Variants in AKAP13 observed in about 807,000 individuals in gnomAD.
AKAP13 encodes A-kinase anchoring protein 13, also known as A-kinase anchor protein 13.
AKAP13 carries 80 observed loss-of-function variants against 264.5 expected under a neutral mutation model. The ratio of observed to expected loss-of-function variants is 0.30; its 90% CI spans 0.25 to 0.36. The LOEUF is 0.36. AKAP13 is among the 10% of genes least tolerant of loss of function. The pLI is 1.00. For synonymous variants in AKAP13, 1,380 were observed against 1,250.2 expected (o/e 1.10, Z -2.19); for missense variants, 3,712 against 3,435.2 (o/e 1.08, Z -2.01).
Position 85,477,330 on chromosome 15 carries a change from A to G in AKAP13, c.-11-8380A>G, listed in dbSNP as rs530471004. Among the ~76,000 whole-genome samples the G allele has an allele frequency of 1.9e-4, 29 of 151,978 alleles. No homozygotes were observed. The South Asian group carries it at 6.0e-3, about 32-fold the overall frequency. On this transcript the variant is annotated intron_variant, in intron 1 of 36. Coordinates refer to ENST00000394518, the MANE Select transcript of AKAP13 (RefSeq NM_007200.5). ...ATTGGCAGTGAGTCCTCCTTGGGGA[A>G]GAAGAATGATCTGGGCTACTTCCAA...
In AKAP13 at chr15:85,588,383, C is replaced by T. The variant is rs181960614; in HGVS notation, c.4161+2560C>T. Among the ~76,000 whole-genome samples the T allele has an allele frequency of 4.9e-4, 75 of 152,296 alleles. 2 individuals are homozygous for T. Among genetic ancestry groups the T allele is most frequent in the Admixed American group, 3.7e-3 (56 of 15,302 alleles). ...CCCTGTGAGAAGAAAAGAGAACACACCCTGCATGGGTACGTGTGTCTTTGT... is the reference window on the plus strand; with the variant it reads ...CCCTGTGAGAAGAAAAGAGAACACATCCTGCATGGGTACGTGTGTCTTTGT... On this transcript the variant is annotated intron_variant, in intron 8 of 36. Coordinates refer to ENST00000394518, the MANE Select transcript of AKAP13 (RefSeq NM_007200.5).
At chr15:85,494,237 A>G (rs915789655) in intron 2 of AKAP13, among the ~76,000 whole-genome samples, 1 of 152,156 alleles carries the variant, frequency 6.6e-6, no homozygotes, top group Non-Finnish European at 1.5e-5. Flanking sequence ...GGATCTAGCA[A>G]CCTAGCAACT....
rs555579033 is a variant in AKAP13 at position 85,727,221 on chromosome 15, G to T, written c.6978G>T (p.Gln2326His). 1 of 1,614,214 alleles carries T rather than the reference G, an allele frequency of 6.2e-7. No individual in the cohort carries two copies. Among genetic ancestry groups the T allele is most frequent in the African/African-American group, 1.3e-5 (1 of 75,056 alleles). The change falls in exon 28 of 37, where the codon CAG becomes CAT. Residue 2326 changes from glutamine to histidine, a missense_variant. Transcript: ENST00000394518. The surrounding 1 kb of genome is among the most constrained non-coding windows in gnomAD (Gnocchi z 5.3). ...SSKEERNSWI[Q>H]IIQDTINTLN... ...AAGAGGAACGAAACAGCTGGATTCA[G>T]ATCATTCAGGACACAATCAACACCC... is the stretch of plus-strand genomic sequence containing the variant.
intron 2 of AKAP13, among the ~76,000 whole-genome samples, chr15:85,500,600 G>A (rs972886181): frequency 3.9e-5 from 6 of 152,150 alleles, no homozygotes; most frequent in Non-Finnish European, 8.8e-5. Context: ...TTTTCTGGAG[G>A]ATACACGAAT....
At chr15:85,513,898 A>T (rs55782422) in intron 2 of AKAP13, among the ~76,000 whole-genome samples, 3,849 of 129,776 alleles carry the variant, frequency 0.03, 690 homozygotes, top group Non-Finnish European at 0.043. Context: ...CTGCATAGGT[A>T]ACCTTGTGTC....
chr15:85,431,992 A>G (rs1464862669), intron 1 of AKAP13, among the ~76,000 whole-genome samples: 1 of 152,212 alleles, frequency 6.6e-6, no homozygotes, highest in Non-Finnish European at 1.5e-5. Context: ...TGTATGAAAA[A>G]GATGCCTAAT....
chr15:85,675,505 A>G (rs1192239063), intron 14 of AKAP13, among the ~76,000 whole-genome samples: 1 of 152,196 alleles, frequency 6.6e-6, no homozygotes, highest in African/African-American at 2.4e-5. Context: ...TAATGTGTCT[A>G]TCCAGTAAAT....
At chr15:85,432,129 T>C (rs1420990983) in intron 1 of AKAP13, among the ~76,000 whole-genome samples, 1 of 152,130 alleles carries the variant, frequency 6.6e-6, no homozygotes, top group African/African-American at 2.4e-5. Context: ...TATTTTAGTC[T>C]AAGAACAATG....
intron 13 of AKAP13, among the ~76,000 whole-genome samples, chr15:85,669,208 C>G (rs1463120319): frequency 2.0e-5 from 3 of 152,092 alleles, no homozygotes; most frequent in Non-Finnish European, 4.4e-5. Flanking sequence ...CTCTGCACAT[C>G]AGCTGGGTGA....
intron 1 of AKAP13, among the ~76,000 whole-genome samples, chr15:85,441,796 G>C (rs538729844): frequency 1.3e-5 from 2 of 151,690 alleles, no homozygotes; most frequent in African/African-American, 4.8e-5. Flanking sequence ...CTGTATTACT[G>C]CAGTAAATAG....
At chr15:85,449,532 C>G (rs1162669538) in intron 1 of AKAP13, among the ~76,000 whole-genome samples, 2 of 151,538 alleles carry the variant, frequency 1.3e-5, no homozygotes, top group Non-Finnish European at 3.0e-5. Context: ...TGCTTTTGCC[C>G]ATTCAGTATG....
chr15:85,615,750 T>G (rs2080906561), intron 8 of AKAP13, among the ~76,000 whole-genome samples: 1 of 152,240 alleles, frequency 6.6e-6, no homozygotes, highest in African/African-American at 2.4e-5. Flanking sequence ...TCTCAATTCC[T>G]TTTTCTTTCT....
At chr15:85,737,491 G>A (rs913424525) in intron 33 of AKAP13, among the ~76,000 whole-genome samples, 2 of 152,082 alleles carry the variant, frequency 1.3e-5, no homozygotes, top group African/African-American at 4.8e-5. Context: ...TGCTTTTAAC[G>A]TTAAGTTAAA....
intron 1 of AKAP13, among the ~76,000 whole-genome samples, chr15:85,393,216 A>C (rs2070951180): frequency 3.3e-5 from 5 of 152,228 alleles, no homozygotes; most frequent in Admixed American, 3.3e-4. Context: ...CACAGAGTGT[A>C]CATCCTCTTG....
chr15:85,438,115 A>G (rs1248808826), intron 1 of AKAP13, among the ~76,000 whole-genome samples: 4 of 147,064 alleles, frequency 2.7e-5, no homozygotes, highest in African/African-American at 1.0e-4. Flanking sequence ...CAACTTCAGC[A>G]AAGTCTCAGG....
rs1450569605 is a variant in AKAP13, at chr15:85,683,029, G to A, written c.5156+817G>A. On this transcript the variant is annotated intron_variant, in intron 15 of 36. Transcript: ENST00000394518. ...TTTATTTAGGTTTTCATGCTTATGA[G>A]ATAGAATATTCTACTTGAAGTTTAA... Among the ~76,000 whole-genome samples the A allele has an allele frequency of 2.6e-5, 4 of 152,182 alleles. No homozygotes were observed. The East Asian group carries it at 7.7e-4, about 29-fold the overall frequency.
intron 1 of AKAP13, among the ~76,000 whole-genome samples, chr15:85,405,597 T>G (rs2071623524): frequency 6.6e-6 from 1 of 152,210 alleles, no homozygotes; most frequent in South Asian, 2.1e-4. Flanking sequence ...TTTATCTCTG[T>G]GTTTTAGTTA....
Position 85,718,253 on chromosome 15 carries a change from A to G in AKAP13, c.6001+94A>G. On this transcript the variant is annotated intron_variant, in intron 22 of 36. Coordinates refer to ENST00000394518, the MANE Select transcript of AKAP13 (RefSeq NM_007200.5). The surrounding 1 kb of genome is among the most constrained non-coding windows in gnomAD (Gnocchi z 4.9). Reference sequence around the variant, plus strand: ...TTGGACTATGAAAAATCAGTTTTTTAGTATGTGGCTTCTTGAAAAGATTTC... The same window carrying G: ...TTGGACTATGAAAAATCAGTTTTTTGGTATGTGGCTTCTTGAAAAGATTTC... 1 of 1,434,130 alleles carries G rather than the reference A, an allele frequency of 7.0e-7. No individual in the cohort carries two copies. 88.8% of individuals were successfully genotyped at this position (1,434,130 alleles called of 1,614,324 possible).
At chr15:85,654,129 T>C (rs992391032) in intron 10 of AKAP13, among the ~76,000 whole-genome samples, 1 of 152,250 alleles carries the variant, frequency 6.6e-6, no homozygotes, top group African/African-American at 2.4e-5. Context: ...ATCAAAGACC[T>C]CATTGCCAGG....
Sources: gnomAD v4.1 joint callset for allele counts (sites outside exome capture counted in the v4.1 genomes callset) on GRCh38, gnomAD v4.1.1 for gene constraint, Gnocchi (gnomAD v3.1) non-coding constraint, MANE v1.5 for transcripts, NCBI Gene and HGNC (gene_info 2026-07-23, HGNC 2026-07-21) for gene names.